The following DKK2 variants were observed in gnomAD, a reference collection of about 807,000 sequenced individuals.
DKK2 encodes the protein dickkopf Wnt signaling pathway inhibitor 2.
A neutral mutation model predicts 28.1 loss-of-function variants in DKK2; 11 were observed. The observed-to-expected ratio is 0.39, with a 90% CI of 0.25 to 0.65. The LOEUF is 0.65. Among genes scored for constraint, DKK2 ranks in the 30% least tolerant of loss-of-function variants. The probability of loss-of-function intolerance (pLI) is 0.47; values close to 1 mark genes in which losing one functional copy is unlikely to be tolerated. For missense variants in DKK2, 326 were observed against 335.5 expected (o/e 0.97, Z 0.22); for synonymous variants, 135 against 126.5 (o/e 1.07, Z -0.45).
rs141393756 is a variant in DKK2 at position 107,009,695 on chromosome 4, G to A, written c.222+25675C>T. On this transcript the variant is annotated intron_variant, in intron 1 of 3. Transcript: ENST00000285311. ...AACTTGCAGCTGGGGGAGGGCAAAG[G>A]GACAGCAATATTTTTCAAGTAAGTC... Among the ~76,000 whole-genome samples, 135 of 151,680 alleles carry A rather than the reference G, an allele frequency of 8.9e-4. 1 individual carries two copies. The East Asian group carries it at 0.025, about 29-fold the overall frequency.
At chr4:107,033,266 T>C (rs1341685063) in intron 1 of DKK2, among the ~76,000 whole-genome samples, 1 of 152,202 alleles carries the variant, frequency 6.6e-6, no homozygotes, top group East Asian at 1.9e-4. Flanking sequence ...TAATAAAATA[T>C]ATTCCATAGA....
At chr4:107,021,405 G>T (rs1304997497) in intron 1 of DKK2, among the ~76,000 whole-genome samples, 4 of 152,024 alleles carry the variant, frequency 2.6e-5, no homozygotes, top group African/African-American at 9.7e-5. Context: ...TCAAAGGAAT[G>T]AGTTCTCTGT....
chr4:107,024,888 C>T (rs1723750498), intron 1 of DKK2, among the ~76,000 whole-genome samples: 1 of 152,192 alleles, frequency 6.6e-6, no homozygotes, highest in African/African-American at 2.4e-5. Flanking sequence ...TCGTAACCAC[C>T]TTCAACAGTA....
At chr4:107,026,261 T>G (rs987166052) in intron 1 of DKK2, among the ~76,000 whole-genome samples, 2 of 152,182 alleles carry the variant, frequency 1.3e-5, no homozygotes, top group Non-Finnish European at 1.5e-5. Flanking sequence ...TATTAAAATA[T>G]TCAAACGTTT....
chr4:107,035,671 G>T lies in DKK2; in HGVS notation c.-80C>A. ...AAGGGAGGGAGGACCCCAACACGGG[G>T]CCCCTCACTTGGGTCGCGGGGGCTT... On this transcript the variant is annotated 5_prime_UTR_variant, in exon 1 of 4. Coordinates refer to ENST00000285311, the MANE Select transcript of DKK2 (RefSeq NM_014421.3). 2 of 1,504,754 alleles carry T rather than the reference G, an allele frequency of 1.3e-6. No homozygotes were observed. Among genetic ancestry groups the T allele is most frequent in the Non-Finnish European group, 1.8e-6 (2 of 1,099,454 alleles). The allele number at this position is 1,504,754 out of a possible 1,614,324, so 93.2% of individuals were successfully genotyped here. A position where few individuals can be genotyped will look rare whatever the true frequency, so the allele number is the denominator to read the frequency against.
intron 1 of DKK2, among the ~76,000 whole-genome samples, chr4:106,939,811 T>A (rs1232684575): frequency 1.3e-5 from 2 of 152,192 alleles, no homozygotes; most frequent in Non-Finnish European, 2.9e-5. Flanking sequence ...GCTGCATATC[T>A]ACAACTATCT....
chr4:107,010,520 A>C (rs1723501230), intron 1 of DKK2, among the ~76,000 whole-genome samples: 1 of 151,664 alleles, frequency 6.6e-6, no homozygotes, highest in Non-Finnish European at 1.5e-5. Context: ...CTTGTTGCAT[A>C]AAAGATTCAC....
intron 1 of DKK2, among the ~76,000 whole-genome samples, chr4:106,993,120 G>A (rs1482695192): frequency 6.6e-6 from 1 of 152,176 alleles, no homozygotes; most frequent in African/African-American, 2.4e-5. Context: ...TTTAGCCAGG[G>A]CTCAATTAAA....
At chr4:106,930,589 TCA>T in intron 1 of DKK2, among the ~76,000 whole-genome samples, 1 of 152,290 alleles carries the variant, frequency 6.6e-6, no homozygotes, top group Middle Eastern at 3.4e-3. Flanking sequence ...GAGAGAAACA[TCA>T]CAGTGTTCAT....
rs778046605 is a variant in DKK2 at position 107,035,624 on chromosome 4, A to G, written c.-33T>C. ...CGAGGGGGTCCCCAGGAAGACGCAA[A>G]GCCCGGAGGGGTGGGAATGCAAAGG... is the stretch of plus-strand genomic sequence containing the variant. On this transcript the variant is annotated 5_prime_UTR_variant, in exon 1 of 4. Transcript: ENST00000285311. 1.2e-6 allele frequency: 2 copies of G among 1,609,422 alleles called. No homozygotes were observed. Among genetic ancestry groups the G allele is most frequent in the African/African-American group, 2.7e-5 (2 of 74,886 alleles).
At chr4:106,957,513 A>G (rs544680437) in intron 1 of DKK2, among the ~76,000 whole-genome samples, 2 of 152,180 alleles carry the variant, frequency 1.3e-5, no homozygotes, top group South Asian at 4.2e-4. Context: ...CAAATGTCCA[A>G]CAATGATAGA....
chr4:106,987,369 A>G (rs1386358259), intron 1 of DKK2, among the ~76,000 whole-genome samples: 1 of 152,204 alleles, frequency 6.6e-6, no homozygotes, highest in East Asian at 1.9e-4. Context: ...GAAAAACATA[A>G]TAATTATATA....
At chr4:106,974,718 T>G (rs1231352929) in intron 1 of DKK2, among the ~76,000 whole-genome samples, 1 of 152,190 alleles carries the variant, frequency 6.6e-6, no homozygotes, top group Non-Finnish European at 1.5e-5. Context: ...CTCTTCCTAT[T>G]TGAATACGTT....
At chr4:106,925,131 C>T (rs1370192696) in intron 2 of DKK2, among the ~76,000 whole-genome samples, 1 of 152,132 alleles carries the variant, frequency 6.6e-6, no homozygotes, top group Non-Finnish European at 1.5e-5. Flanking sequence ...TTCCCTTCAC[C>T]TCCTGTGCAA....
At chr4:106,947,814 G>A (rs1343577013) in intron 1 of DKK2, among the ~76,000 whole-genome samples, 1 of 151,828 alleles carries the variant, frequency 6.6e-6, no homozygotes, top group African/African-American at 2.4e-5. Context: ...AGCTGGGGCT[G>A]CAGGTGTATA....
chr4:106,948,246 T>C (rs1458445602), intron 1 of DKK2, among the ~76,000 whole-genome samples: 2 of 152,156 alleles, frequency 1.3e-5, no homozygotes, highest in African/African-American at 4.8e-5. Context: ...CAGAATCACC[T>C]GGAGGGCATG....
chr4:106,956,096 T>TA (rs915804006), intron 1 of DKK2, among the ~76,000 whole-genome samples: 4 of 152,128 alleles, frequency 2.6e-5, no homozygotes, highest in Non-Finnish European at 4.4e-5. Context: ...ATTGAATACA[T>TA]ACAGTAATTC....
At chr4:107,032,701 C>T (rs979708537) in intron 1 of DKK2, among the ~76,000 whole-genome samples, 3 of 152,094 alleles carry the variant, frequency 2.0e-5, no homozygotes, top group African/African-American at 4.8e-5. Context: ...TATATTTCAA[C>T]ATCATCTGTC....
chr4:106,942,317 A>T (rs1202916829), intron 1 of DKK2, among the ~76,000 whole-genome samples: 2 of 152,172 alleles, frequency 1.3e-5, no homozygotes, highest in Non-Finnish European at 2.9e-5. Context: ...CAATAGTGCA[A>T]GAAAGGAAAG....
Sources: gnomAD v4.1 joint callset for allele counts (sites outside exome capture counted in the v4.1 genomes callset) on GRCh38, gnomAD v4.1.1 for gene constraint, MANE v1.5 for transcripts, NCBI Gene and HGNC (gene_info 2026-07-23, HGNC 2026-07-21) for gene names.